SLC10A1: variants seen among roughly 807,000 people sequenced by gnomAD.
SLC10A1 encodes hepatic sodium/bile acid cotransporter.
A neutral mutation model predicts 20.5 loss-of-function variants in SLC10A1; 36 were observed. The ratio of observed to expected loss-of-function variants is 1.75; its 90% CI spans 1.34 to 2.32. The LOEUF is 2.32. Ranked by LOEUF, SLC10A1 falls within the 30% of genes most tolerant of loss-of-function variation. The probability of loss-of-function intolerance (pLI) is 0.00; values close to 1 mark genes in which losing one functional copy is unlikely to be tolerated. For synonymous variants in SLC10A1, 188 were observed against 163.6 expected, an observed-to-expected ratio of 1.15 and a Z score of -1.14; for missense variants, 545 against 439.1, an observed-to-expected ratio of 1.24 and a Z score of -2.16.
At position 69,778,267 on chromosome 14, in the gene SLC10A1, G is replaced by C. The variant is rs534268004; in HGVS notation, c.943+66C>G. 3.6e-6 allele frequency: 5 copies of C among 1,370,272 alleles called. No homozygotes were observed. The African/African-American group carries it at 4.4e-5, about 12-fold the overall frequency. 84.9% of individuals were successfully genotyped at this position (1,370,272 alleles called of 1,614,324 possible). On this transcript the variant is annotated intron_variant, in intron 4 of 4. Transcript: ENST00000216540. Reference sequence around the variant, plus strand: ...TCCAAAAAGTCCCTGCTAGAAACTTGCTTGTTGGCAGGCTCAGGTCTAATA... The same window carrying C: ...TCCAAAAAGTCCCTGCTAGAAACTTCCTTGTTGGCAGGCTCAGGTCTAATA...
chr14:69,789,012 A>G (rs1421498303), intron 1 of SLC10A1, among the ~76,000 whole-genome samples: 1 of 152,238 alleles, frequency 6.6e-6, no homozygotes, highest in African/African-American at 2.4e-5. Context: ...AACCACTTTG[A>G]GATACCACTT....
chr14:69,777,255 G>A (rs1883467130), intron 4 of SLC10A1, among the ~76,000 whole-genome samples: 1 of 152,164 alleles, frequency 6.6e-6, no homozygotes. Flanking sequence ...TTGAACCAAA[G>A]CTTCTAAAAT....
At chr14:69,787,953 G>A (rs944664911) in intron 1 of SLC10A1, among the ~76,000 whole-genome samples, 1 of 152,076 alleles carries the variant, frequency 6.6e-6, no homozygotes, top group Non-Finnish European at 1.5e-5. Flanking sequence ...CCAGCTACTT[G>A]GGAGGCTGAG....
At chr14:69,790,581 AT>A (rs1034974548) in intron 1 of SLC10A1, among the ~76,000 whole-genome samples, 3 of 152,134 alleles carry the variant, frequency 2.0e-5, no homozygotes, top group Non-Finnish European at 2.9e-5. Flanking sequence ...AGTCAACAAA[AT>A]TTAATGTTCT....
chr14:69,777,516 G>A (rs1883472639), intron 4 of SLC10A1, among the ~76,000 whole-genome samples: 1 of 150,796 alleles, frequency 6.6e-6, no homozygotes, highest in East Asian at 1.9e-4. Flanking sequence ...AGGTACTTAG[G>A]AAGAATATAC....
intron 2 of SLC10A1, 141 bp from the exon 3 acceptor site, chr14:69,779,501 C>T: frequency 2.3e-6 from 1 of 441,280 alleles, no homozygotes; most frequent in South Asian, 2.9e-5. Flanking sequence ...AGACCTTTAT[C>T]TTCTTTTTGG....
chr14:69,778,369 T>C lies in SLC10A1; in HGVS notation c.907A>G (p.Ile303Val), dbSNP rs199949242. 9 of 1,611,446 alleles carry C rather than the reference T, an allele frequency of 5.6e-6. No homozygotes were observed. The highest frequency in any genetic ancestry group is 1.6e-4 in the Middle Eastern group (1 of 6,062). Reference sequence around the variant, plus strand: ...TTGAATTTCTCATAGCACCAAAATATGGCAATGAGGAGAAGCCCTTCTCCA... The same window carrying C: ...TTGAATTTCTCATAGCACCAAAATACGGCAATGAGGAGAAGCCCTTCTCCA... ...QLGEGLLLIA[I>V]FWCYEKFKTP... Residue 303 changes from isoleucine to valine, a missense_variant, in exon 4 of 5, where the codon ATA becomes GTA. Ile to Val is a conservative substitution (Grantham distance 29). Transcript: ENST00000216540.
intron 1 of SLC10A1, among the ~76,000 whole-genome samples, chr14:69,793,732 G>C (rs762190253): frequency 6.6e-6 from 1 of 152,198 alleles, no homozygotes; most frequent in Non-Finnish European, 1.5e-5. Context: ...CTGTGAGTCC[G>C]ATGGTGGCAG....
intron 2 of SLC10A1, among the ~76,000 whole-genome samples, chr14:69,784,532 G>A (rs1883668484): frequency 6.6e-6 from 1 of 152,048 alleles, no homozygotes; most frequent in African/African-American, 2.4e-5. Context: ...GAGAGAGAGA[G>A]GAGTGAGGGG....
intron 4 of SLC10A1, among the ~76,000 whole-genome samples, chr14:69,776,792 CTCT>C (rs1223513271): frequency 2.0e-5 from 3 of 152,206 alleles, no homozygotes; most frequent in African/African-American, 4.8e-5. Flanking sequence ...ATTGATCTAC[CTCT>C]TCTTGTCCGT....
intron 4 of SLC10A1, 21 bp downstream of exon 4, chr14:69,778,311 TG>T (rs772927310): frequency 2.6e-6 from 4 of 1,552,272 alleles, no homozygotes; most frequent in Middle Eastern, 1.7e-4. Flanking sequence ...GAACTTGAAG[TG>T]GGGATAATTT....
rs1566633500 is a variant in SLC10A1, at chr14:69,776,406, GTT to G, written c.944-20_944-19del. The G allele has an allele frequency of 6.3e-7, 1 of 1,580,678 alleles. No individual in the cohort carries two copies. Among genetic ancestry groups the G allele is most frequent in the South Asian group, 1.1e-5 (1 of 90,378 alleles). Reference sequence around the variant, plus strand: ...TGTTTTATCTGTAAAGTTAAAAAGGGTTACAGGTGTAGAGAGAGAACAAGAGG... The same window carrying G: ...TGTTTTATCTGTAAAGTTAAAAAGGGACAGGTGTAGAGAGAGAACAAGAGG... On this transcript the variant is annotated intron_variant, in intron 4 of 4. Transcript: ENST00000216540.
At chr14:69,781,853 C>G (rs1326325640) in intron 2 of SLC10A1, among the ~76,000 whole-genome samples, 1 of 152,318 alleles carries the variant, frequency 6.6e-6, no homozygotes. Context: ...TAAATGTGAC[C>G]TTCCACCAGC....
chr14:69,780,196 A>G (rs987073888), intron 2 of SLC10A1, among the ~76,000 whole-genome samples: 2 of 152,230 alleles, frequency 1.3e-5, no homozygotes, highest in South Asian at 2.1e-4. Flanking sequence ...GAAACTATGC[A>G]GGTCTACTCT....
intron 2 of SLC10A1, among the ~76,000 whole-genome samples, chr14:69,784,335 A>G (rs1233372250): frequency 6.6e-6 from 1 of 152,206 alleles, no homozygotes; most frequent in African/African-American, 2.4e-5. Flanking sequence ...GGATTGAGAA[A>G]TGTCCATTGG....
intron 1 of SLC10A1, among the ~76,000 whole-genome samples, chr14:69,789,774 A>G (rs1304079299): frequency 6.6e-6 from 1 of 152,164 alleles, no homozygotes; most frequent in Admixed American, 6.5e-5. Flanking sequence ...ATAGCCTAAC[A>G]TATTTATATT....
chr14:69,792,223 G>A (rs1269795434), intron 1 of SLC10A1, among the ~76,000 whole-genome samples: 1 of 152,152 alleles, frequency 6.6e-6, no homozygotes, highest in South Asian at 2.1e-4. Flanking sequence ...AACCACAAAG[G>A]AAAAATATTG....
Position 69,786,169 on chromosome 14 carries a change from C to T in SLC10A1, c.495G>A (p.Leu165=), listed in dbSNP as rs778964753. Residue 165 remains leucine (L), a synonymous_variant, in exon 2 of 5, where the codon CTG becomes CTA. Transcript: ENST00000216540. ...PYKGIVISLV[L]VLIPCTIGIV... is the part of the protein sequence containing the mutation. ...TCCCTATGGTGCAAGGAATGAGAAC[C>T]AGGACCAGTGATATCACGATGCCTT... 22 of 1,613,962 alleles carry T rather than the reference C, an allele frequency of 1.4e-5. No individual in the cohort carries two copies. Among genetic ancestry groups the T allele is most frequent in the Non-Finnish European group, 1.8e-5 (21 of 1,180,030 alleles).
In SLC10A1 at chr14:69,797,227, A is replaced by G. The variant is rs199720889; in HGVS notation, c.-72T>C. 1.4e-5 allele frequency: 19 copies of G among 1,322,092 alleles called. No homozygotes were observed. Among genetic ancestry groups the G allele is most frequent in the Non-Finnish European group, 1.8e-5 (17 of 952,808 alleles). 81.9% of individuals were successfully genotyped at this position (1,322,092 alleles called of 1,614,324 possible). ...CCGTTTCTTGTGCAGTTCTTGCTGG[A>G]TGCCTTCTTTAATCACCTCTCAGGA... On this transcript the variant is annotated 5_prime_UTR_variant, in exon 1 of 5. Coordinates refer to ENST00000216540, the MANE Select transcript of SLC10A1 (RefSeq NM_003049.4).
Sources: allele counts gnomAD v4.1 joint callset (sites outside exome capture counted in the v4.1 genomes callset), GRCh38; gene constraint gnomAD v4.1.1; transcripts MANE v1.5; gene names NCBI Gene and HGNC (gene_info 2026-07-23, HGNC 2026-07-21).